The following MACROD2 variants were observed in gnomAD, a reference collection of about 807,000 sequenced individuals.
The protein encoded by MACROD2 is mono-ADP ribosylhydrolase 2.
MACROD2 carries 36 observed loss-of-function variants against 70.4 expected under a neutral mutation model. The ratio of observed to expected loss-of-function variants is 0.51; its 90% CI spans 0.39 to 0.68. The LOEUF is 0.68. Ranked by LOEUF, MACROD2 falls within the 30% of genes least tolerant of loss-of-function variation. The pLI is 0.00. For missense variants in MACROD2, 496 were observed against 538.4 expected (o/e 0.92, Z 0.78); for synonymous variants, 172 against 178.8 (o/e 0.96, Z 0.30).
intron 2 of MACROD2, among the ~76,000 whole-genome samples, chr20:14,048,555 G>C (rs1158915521): frequency 6.6e-6 from 1 of 152,056 alleles, no homozygotes; most frequent in South Asian, 2.1e-4. Flanking sequence ...TCAGTATTAC[G>C]ACCCTAAAGT....
intron 5 of MACROD2, among the ~76,000 whole-genome samples, chr20:15,088,424 T>C (rs1376931874): frequency 5.5e-5 from 2 of 36,222 alleles, no homozygotes; most frequent in African/African-American, 1.5e-4. Context: ...TATATATATA[T>C]ATATATATAT....
At chr20:14,510,327 G>T (rs918280660) in intron 4 of MACROD2, among the ~76,000 whole-genome samples, 3 of 58,540 alleles carry the variant, frequency 5.1e-5, no homozygotes, top group African/African-American at 1.8e-4. Context: ...TAATTCCATG[G>T]TAAATACAAA....
At chr20:14,336,875 C>T (rs183903454) in intron 3 of MACROD2, among the ~76,000 whole-genome samples, 111 of 152,302 alleles carry the variant, frequency 7.3e-4, no homozygotes, top group African/African-American at 2.6e-3. Context: ...GCTTTAAAAT[C>T]TAGGTGTAGC....
At chr20:14,145,327 T>C (rs939889358) in intron 3 of MACROD2, among the ~76,000 whole-genome samples, 1 of 152,200 alleles carries the variant, frequency 6.6e-6, no homozygotes, top group Admixed American at 6.5e-5. Context: ...CTAGTGTTTG[T>C]GGTAGGTATA....
chr20:15,689,753 AG>A (rs1268975765), intron 8 of MACROD2, among the ~76,000 whole-genome samples: 1 of 152,176 alleles, frequency 6.6e-6, no homozygotes, highest in African/African-American at 2.4e-5. Context: ...ATCTGGGAGC[AG>A]GGGACACCTT....
At chr20:14,759,440 T>C (rs905409045) in intron 5 of MACROD2, among the ~76,000 whole-genome samples, 1 of 152,130 alleles carries the variant, frequency 6.6e-6, no homozygotes, top group Non-Finnish European at 1.5e-5. Context: ...TTATGCTTTA[T>C]CTTCATATTC....
chr20:14,389,187 A>AATTATT (rs752936410), intron 3 of MACROD2, among the ~76,000 whole-genome samples: 1 of 151,640 alleles, frequency 6.6e-6, no homozygotes, highest in African/African-American at 2.4e-5. Flanking sequence ...GCCATCGGCC[A>AATTATT]ATTATTATTA....
At position 14,255,607 on chromosome 20, in the gene MACROD2, A is replaced by G. The variant is rs1051667167; in HGVS notation, c.271+169879A>G. 4.6e-5 allele frequency among the ~76,000 whole-genome samples: 7 copies of G among 151,870 alleles called. No homozygotes were observed. The East Asian group carries it at 5.8e-4, about 13-fold the overall frequency. On this transcript the variant is annotated intron_variant, in intron 3 of 17. Coordinates refer to ENST00000684519, the MANE Select transcript of MACROD2 (RefSeq NM_001351661.2). Reference sequence around the variant, plus strand: ...GCTAAATGATGAGTTAATGGGTGCAACACACCAACATGGCACATGTATACA... The same window carrying G: ...GCTAAATGATGAGTTAATGGGTGCAGCACACCAACATGGCACATGTATACA...
At chr20:15,736,106 T>G (rs1430230609) in intron 8 of MACROD2, among the ~76,000 whole-genome samples, 2 of 152,196 alleles carry the variant, frequency 1.3e-5, no homozygotes, top group African/African-American at 4.8e-5. Flanking sequence ...CAATGGAAAT[T>G]ATAATACCTA....
intron 15 of MACROD2, among the ~76,000 whole-genome samples, chr20:16,003,169 C>T (rs1360846212): frequency 6.7e-6 from 1 of 149,286 alleles, no homozygotes; most frequent in Non-Finnish European, 1.5e-5. Context: ...GTAGTGAAAA[C>T]AGATTCATCT....
At chr20:14,287,455 C>T (rs1487634469) in intron 3 of MACROD2, among the ~76,000 whole-genome samples, 1 of 151,574 alleles carries the variant, frequency 6.6e-6, no homozygotes, top group Non-Finnish European at 1.5e-5. Flanking sequence ...TTTATCAAAA[C>T]TTATTATATA....
intron 5 of MACROD2, among the ~76,000 whole-genome samples, chr20:14,955,223 T>C (rs1188847902): frequency 1.5e-5 from 2 of 137,478 alleles, no homozygotes; most frequent in African/African-American, 5.4e-5. Flanking sequence ...ATAATTTATA[T>C]AATATATAAT....
intron 6 of MACROD2, among the ~76,000 whole-genome samples, chr20:15,352,828 A>G (rs376538346): frequency 6.6e-6 from 1 of 152,098 alleles, no homozygotes; most frequent in African/African-American, 2.4e-5. Context: ...GAGAACTACA[A>G]ACCACTGCTC....
At chr20:15,340,661 C>T (rs1023891114) in intron 6 of MACROD2, among the ~76,000 whole-genome samples, 1 of 152,130 alleles carries the variant, frequency 6.6e-6, no homozygotes, top group Admixed American at 6.6e-5. Flanking sequence ...ATGGAACACA[C>T]ATAGACTTTG....
At chr20:15,684,501 A>G (rs2050201429) in intron 8 of MACROD2, among the ~76,000 whole-genome samples, 1 of 152,246 alleles carries the variant, frequency 6.6e-6, no homozygotes, top group Non-Finnish European at 1.5e-5. Context: ...TGTTTAATAC[A>G]AGTGCTACCT....
intron 6 of MACROD2, among the ~76,000 whole-genome samples, chr20:15,301,570 G>C (rs994346206): frequency 7.2e-6 from 1 of 138,694 alleles, no homozygotes; most frequent in Non-Finnish European, 1.6e-5. Flanking sequence ...ATGGGTGGAA[G>C]TTAGTAAGAT....
At chr20:15,912,487 A>C (rs951576219) in intron 10 of MACROD2, among the ~76,000 whole-genome samples, 1 of 152,182 alleles carries the variant, frequency 6.6e-6, no homozygotes. Context: ...TAGGTTTAAA[A>C]CCTGATTTTG....
chr20:14,025,238 CTGTT>C (rs1320184431), intron 2 of MACROD2, among the ~76,000 whole-genome samples: 1 of 152,008 alleles, frequency 6.6e-6, no homozygotes, highest in South Asian at 2.1e-4. Flanking sequence ...TTTTTATTGT[CTGTT>C]TGATTCTTCT....
chr20:14,401,920 T>C (rs2083641859), intron 3 of MACROD2, among the ~76,000 whole-genome samples: 1 of 152,158 alleles, frequency 6.6e-6, no homozygotes, highest in Non-Finnish European at 1.5e-5. Flanking sequence ...GATCCACAAA[T>C]TGAAGTGCCA....
Sources: allele counts gnomAD v4.1 joint callset (sites outside exome capture counted in the v4.1 genomes callset), GRCh38; gene constraint gnomAD v4.1.1; transcripts MANE v1.5; gene names NCBI Gene and HGNC (gene_info 2026-07-23, HGNC 2026-07-21).